The following NOSTRIN variants were observed in gnomAD, a reference collection of about 807,000 sequenced individuals.
NOSTRIN encodes the protein BM247 homolog.
NOSTRIN carries 63 observed loss-of-function variants against 59.0 expected under a neutral mutation model. The observed-to-expected ratio is 1.07, with a 90% CI of 0.87 to 1.32. NOSTRIN has a LOEUF of 1.32. Among genes scored for constraint, NOSTRIN ranks in the 40% most tolerant of loss-of-function variants. The pLI is 0.00. For synonymous variants in NOSTRIN, 200 were observed against 165.4 expected, an observed-to-expected ratio of 1.21 and a Z score of -1.61; for missense variants, 512 against 473.1, an observed-to-expected ratio of 1.08 and a Z score of -0.76.
At chr2:168,859,405 G>A in intron 12 of NOSTRIN, 107 bp from the exon 13 acceptor site, 1 of 1,485,664 alleles carries the variant, frequency 6.7e-7, no homozygotes, top group Non-Finnish European at 9.1e-7. Context: ...TGAGTTAAAT[G>A]CGTACTTTTC....
intron 2 of NOSTRIN, among the ~76,000 whole-genome samples, chr2:168,791,533 T>A (rs1469434324): frequency 6.6e-6 from 1 of 152,180 alleles, no homozygotes; most frequent in Non-Finnish European, 1.5e-5. Context: ...GGTCAAATAG[T>A]ATTTCTAGTT....
chr2:168,829,208 GA>G (rs1403032312), intron 5 of NOSTRIN, among the ~76,000 whole-genome samples: 1 of 151,952 alleles, frequency 6.6e-6, no homozygotes, highest in African/African-American at 2.4e-5. Context: ...TCTAATAGCC[GA>G]TCCTCTACTC....
chr2:168,854,736 G>A (rs1157971698), intron 10 of NOSTRIN, among the ~76,000 whole-genome samples: 4 of 151,980 alleles, frequency 2.6e-5, no homozygotes, highest in African/African-American at 9.7e-5. Context: ...AGACAGTTAC[G>A]TCTTCTTGCC....
upstream of NOSTRIN, among the ~76,000 whole-genome samples, chr2:168,794,733 G>A (rs1304600534): frequency 6.6e-6 from 1 of 152,086 alleles, no homozygotes; most frequent in Middle Eastern, 3.4e-3. Context: ...CAGTCTCAGG[G>A]GTGTAAAATG....
intron 2 of NOSTRIN, among the ~76,000 whole-genome samples, chr2:168,819,200 C>T (rs1007615553): frequency 6.6e-6 from 1 of 152,112 alleles, no homozygotes; most frequent in Admixed American, 6.5e-5. Flanking sequence ...CAGCTTGAAC[C>T]GAGATAAAGC....
At chr2:168,803,867 AT>A (rs968423975) in intron 1 of NOSTRIN, among the ~76,000 whole-genome samples, 2 of 152,100 alleles carry the variant, frequency 1.3e-5, no homozygotes, top group African/African-American at 4.8e-5. Context: ...TTTATCATTT[AT>A]TTTTCTCTCC....
chr2:168,865,291 A>G lies in NOSTRIN; in HGVS notation c.*321A>G, dbSNP rs1689798510. 2 of 224,448 alleles carry G rather than the reference A, an allele frequency of 8.9e-6. No homozygotes were observed. The highest frequency in any genetic ancestry group is 1.8e-4 in the South Asian group (2 of 10,952). The allele number at this position is 224,448 out of a possible 1,614,324, so 13.9% of individuals were successfully genotyped here. A position where few individuals can be genotyped will look rare whatever the true frequency, so the allele number is the denominator to read the frequency against. The stretch of plus-strand genomic sequence containing the variant: ...AAGGTGGGTTCAGCTGCTTGCCTGA[A>G]GTCAGAGTTATCTGGTAGACAACAG... On this transcript the variant is annotated 3_prime_UTR_variant, in exon 16 of 16. Coordinates refer to ENST00000317647, the MANE Select transcript of NOSTRIN (RefSeq NM_001039724.4).
At chr2:168,835,376 G>A (rs1236352437) in intron 7 of NOSTRIN, among the ~76,000 whole-genome samples, 2 of 152,138 alleles carry the variant, frequency 1.3e-5, no homozygotes, top group Non-Finnish European at 2.9e-5. Flanking sequence ...ACCGCCCCTG[G>A]CCAGCCTTCT....
rs183424107 is a variant in NOSTRIN, at chr2:168,844,531, A to G, written c.630+1414A>G. ...CATGTGTTTCTGTTTTGTATTAATC[A>G]TGACATTATGAGAACATTGAGGCTG... On this transcript the variant is annotated intron_variant, in intron 8 of 15. Transcript: ENST00000317647. Among the ~76,000 whole-genome samples the G allele has an allele frequency of 2.6e-5, 4 of 152,274 alleles. 1 individual carries two copies. In the East Asian group the frequency reaches 7.7e-4, roughly 29 times the overall value.
At chr2:168,823,670 A>C (rs1386813080) in intron 2 of NOSTRIN, among the ~76,000 whole-genome samples, 11 of 152,050 alleles carry the variant, frequency 7.2e-5, no homozygotes, top group Admixed American at 2.0e-4. Flanking sequence ...ATCTGCAAAG[A>C]CCCTATTCCC....
chr2:168,853,663 G>A (rs1460907431), intron 10 of NOSTRIN, among the ~76,000 whole-genome samples: 1 of 152,172 alleles, frequency 6.6e-6, no homozygotes. Flanking sequence ...AAGGACTAAT[G>A]GTTTTAGTTA....
At chr2:168,808,257 G>A (rs1330195520) in intron 1 of NOSTRIN, among the ~76,000 whole-genome samples, 1 of 152,178 alleles carries the variant, frequency 6.6e-6, no homozygotes, top group Non-Finnish European at 1.5e-5. Context: ...AGGGTCCCTT[G>A]TTCTCTCCCA....
intron 5 of NOSTRIN, among the ~76,000 whole-genome samples, chr2:168,830,476 A>G (rs1201749545): frequency 1.3e-5 from 2 of 152,234 alleles, no homozygotes; most frequent in Non-Finnish European, 2.9e-5. Flanking sequence ...TGTCTGTTAC[A>G]ATGAACCATA....
At chr2:168,811,481 T>C (rs913826883) in intron 1 of NOSTRIN, 86 bp from the exon 2 acceptor site, 3 of 563,386 alleles carry the variant, frequency 5.3e-6, no homozygotes, top group Non-Finnish European at 9.5e-6. Context: ...GTTATAGTAG[T>C]TTTCTGAATT....
rs139555229 is a variant in NOSTRIN, at chr2:168,842,446, T to C, written c.505-546T>C. Among the ~76,000 whole-genome samples the C allele has an allele frequency of 8.9e-3, 1,355 of 152,338 alleles. 21 individuals carry two copies. Among genetic ancestry groups the C allele is most frequent in the African/African-American group, 0.03 (1,232 of 41,580 alleles). ...ACTTGTTTGCAGCTAGGACCAGGAC[T>C]CTTATCCTGGAAGTTTGATTCCAAA... On this transcript the variant is annotated intron_variant, in intron 7 of 15. Coordinates refer to ENST00000317647, the MANE Select transcript of NOSTRIN (RefSeq NM_001039724.4).
intron 2 of NOSTRIN, among the ~76,000 whole-genome samples, chr2:168,792,819 C>T (rs1685391504): frequency 6.6e-6 from 1 of 152,012 alleles, no homozygotes; most frequent in Non-Finnish European, 1.5e-5. Context: ...TAAAGTGATC[C>T]CAATAACAGT....
chr2:168,807,380 A>G (rs937109031), intron 1 of NOSTRIN, among the ~76,000 whole-genome samples: 1 of 152,250 alleles, frequency 6.6e-6, no homozygotes, highest in African/African-American at 2.4e-5. Flanking sequence ...TAGATGGTAC[A>G]TAATGAAAAG....
chr2:168,855,380 AAG>A lies in NOSTRIN; in HGVS notation c.890_891del (p.Arg297ThrfsTer17), dbSNP rs1260216317. The A allele has an allele frequency of 1.2e-6, 2 of 1,606,152 alleles. No homozygotes were observed. Among genetic ancestry groups the A allele is most frequent in the Non-Finnish European group, 1.7e-6 (2 of 1,173,942 alleles). On this transcript the variant is annotated frameshift_variant, in exon 11 of 16. Transcript: ENST00000317647. LOFTEE classifies it high-confidence loss of function. Reference sequence around the variant, plus strand: ...GAAGATCCTAACAGTGCAATGGATAAAGAGAGACGAAAGTCTTTACTAAAACC... The same window carrying A: ...GAAGATCCTAACAGTGCAATGGATAAAGAGACGAAAGTCTTTACTAAAACC...
intron 8 of NOSTRIN, among the ~76,000 whole-genome samples, chr2:168,849,457 G>C (rs757905504): frequency 2.6e-5 from 4 of 151,920 alleles, no homozygotes; most frequent in Non-Finnish European, 5.9e-5. Context: ...CCAGGTCCAA[G>C]CGATTCTCCT....
Sources: allele counts gnomAD v4.1 joint callset (sites outside exome capture counted in the v4.1 genomes callset), GRCh38; gene constraint gnomAD v4.1.1; transcripts MANE v1.5; gene names NCBI Gene and HGNC (gene_info 2026-07-23, HGNC 2026-07-21).